NDNF: variants seen among roughly 807,000 people sequenced by gnomAD.
The protein encoded by NDNF is neuron derived neurotrophic factor, also known as protein NDNF.
NDNF carries 16 observed loss-of-function variants against 42.0 expected under a neutral mutation model. The observed-to-expected ratio is 0.38, with a 90% CI of 0.26 to 0.58. The LOEUF (loss-of-function observed/expected upper bound fraction) is 0.58, where lower values mean the gene tolerates loss of function less well. Ranked by LOEUF, NDNF falls within the 20% of genes least tolerant of loss-of-function variation. The pLI is 0.67. For synonymous variants in NDNF, 248 were observed against 251.7 expected, an observed-to-expected ratio of 0.99 and a Z score of 0.14; for missense variants, 616 against 666.2, an observed-to-expected ratio of 0.92 and a Z score of 0.83.
chr4:121,038,268 C>CTTAA (rs1281381095), intron 3 of NDNF: 2 of 152,038 alleles, frequency 1.3e-5, no homozygotes, highest in Non-Finnish European at 2.9e-5. Context: ...GGCAGGATTG[C>CTTAA]TTAAGCCCTG....
At chr4:121,039,472 C>A (rs968219262) in intron 3 of NDNF, among the ~76,000 whole-genome samples, 5 of 151,854 alleles carry the variant, frequency 3.3e-5, no homozygotes, top group African/African-American at 1.2e-4. Flanking sequence ...TTCTCTGTTT[C>A]CATCTGTTAT....
At chr4:121,049,596 C>A (rs1030603955) in intron 1 of NDNF, among the ~76,000 whole-genome samples, 1 of 152,154 alleles carries the variant, frequency 6.6e-6, no homozygotes, top group Non-Finnish European at 1.5e-5. Flanking sequence ...AATTTATTAG[C>A]TTGCAAGTGG....
At chr4:121,040,077 A>G (rs750071361) in intron 2 of NDNF, 23 bp from the exon 3 acceptor site, 9 of 1,605,868 alleles carry the variant, frequency 5.6e-6, no homozygotes, top group Admixed American at 1.7e-5. Flanking sequence ...GGACCACTTT[A>G]GACCGTGGTA....
At chr4:121,039,180 GTGTGTGTGTGTGTATATATATATATA>G (rs1726942180) in intron 3 of NDNF, among the ~76,000 whole-genome samples, 2 of 7,768 alleles carry the variant, frequency 2.6e-4, no homozygotes, top group African/African-American at 4.7e-4. Context: ...TAAAGACTAT[GTGTGTGTGTGTGTATATATATATATA>G]TATATATATA....
chr4:121,072,364 GC>G lies in NDNF; in HGVS notation c.-374del. Reference sequence around the variant, plus strand: ...GGGGGCTGGGCGGCGGGAGGATGCCGCAGCGACCCGCGGGGCTGGCGCGGGC... The same window carrying G: ...GGGGGCTGGGCGGCGGGAGGATGCCGAGCGACCCGCGGGGCTGGCGCGGGC... On this transcript the variant is annotated 5_prime_UTR_variant, in exon 1 of 4. Coordinates refer to ENST00000379692, the MANE Select transcript of NDNF (RefSeq NM_024574.4). 6.6e-6 allele frequency: 1 copy of G among 151,580 alleles called. No homozygotes were observed. Among genetic ancestry groups the G allele is most frequent in the South Asian group, 2.1e-4 (1 of 4,802 alleles). The allele number at this position is 151,580 out of a possible 1,614,324, so 9.4% of individuals were successfully genotyped here. A position where few individuals can be genotyped will look rare whatever the true frequency, so the allele number is the denominator to read the frequency against.
chr4:121,057,116 A>G (rs1727310087), intron 1 of NDNF, among the ~76,000 whole-genome samples: 1 of 152,220 alleles, frequency 6.6e-6, no homozygotes, highest in South Asian at 2.1e-4. Context: ...AGTAAAGAAC[A>G]AAGTATAATT....
In NDNF at chr4:121,040,003, C is replaced by T. The variant is rs777074542; in HGVS notation, c.240G>A (p.Thr80=). ...EDNTPLSVTV[T]PCDAPLEWKL... ...TCCACTCCAAAGGCGCATCACAGGG[C>T]GTCACTGTGACTGATAATGGAGTAT... The change falls in exon 3 of 4, where the codon ACG becomes ACA. Residue 80 remains threonine, a synonymous_variant. Coordinates refer to ENST00000379692, the MANE Select transcript of NDNF (RefSeq NM_024574.4). 1.1e-5 allele frequency: 17 copies of T among 1,613,600 alleles called. No individual in the cohort carries two copies. The South Asian group carries it at 1.6e-4, about 16-fold the overall frequency.
chr4:121,039,926 T>C lies in NDNF; in HGVS notation c.313+4A>G. 6.2e-7 allele frequency: 1 copy of C among 1,612,350 alleles called. No individual in the cohort carries two copies. On this transcript the variant is annotated splice_donor_region_variant and intron_variant, in intron 3 of 3. Coordinates refer to ENST00000379692, the MANE Select transcript of NDNF (RefSeq NM_024574.4). ...TCCAGGGGCAGATCTATCCTGCTGC[T>C]TACCTGAGCCTTCCCCGCTCCTGTC...
intron 1 of NDNF, among the ~76,000 whole-genome samples, chr4:121,050,282 G>A (rs565855686): frequency 1.3e-5 from 2 of 152,240 alleles, no homozygotes; most frequent in Admixed American, 6.5e-5. Context: ...TTAAGCATAA[G>A]CCTTAAATTG....
At chr4:121,067,412 T>G (rs1436845192) in intron 1 of NDNF, among the ~76,000 whole-genome samples, 3 of 152,118 alleles carry the variant, frequency 2.0e-5, no homozygotes, top group Non-Finnish European at 4.4e-5. Context: ...CAGAAAAAAT[T>G]AACAAGCGAA....
At position 121,037,400 on chromosome 4, in the gene NDNF, T is replaced by C. The variant is rs757434459; in HGVS notation, c.571A>G (p.Thr191Ala). Residue 191 changes from threonine (T) to alanine (A), a missense_variant, in exon 4 of 4, where the codon ACG becomes GCG. Transcript: ENST00000379692. Reference sequence around the variant, plus strand: ...CTTGGTTTCCAGGCCAAAGTGACCGTGGTGCGCCCCAGTGAGGTCACATCT... The same window carrying C: ...CTTGGTTTCCAGGCCAAAGTGACCGCGGTGCGCCCCAGTGAGGTCACATCT... ...RVDVTSLGRT[T>A]VTLAWKPSPT... The C allele has an allele frequency of 5.6e-6, 9 of 1,614,030 alleles. No individual in the cohort carries two copies.
Position 121,072,458 on chromosome 4 carries a change from G to A in NDNF, c.-467C>T, listed in dbSNP as rs1164003921. 6.6e-6 allele frequency: 1 copy of A among 151,856 alleles called. No homozygotes were observed. 9.4% of individuals were successfully genotyped at this position (151,856 alleles called of 1,614,324 possible). ...CCGCGCGGGGTGCTGGGAGAGCCGGGCGCACGGGGCGGCAGCGGCCGTGGC... is the reference window on the plus strand; with the variant it reads ...CCGCGCGGGGTGCTGGGAGAGCCGGACGCACGGGGCGGCAGCGGCCGTGGC... On this transcript the variant is annotated 5_prime_UTR_variant, in exon 1 of 4. Coordinates refer to ENST00000379692, the MANE Select transcript of NDNF (RefSeq NM_024574.4).
intron 2 of NDNF, 95 bp from the exon 3 acceptor site, chr4:121,040,149 TC>T: frequency 1.6e-6 from 2 of 1,263,000 alleles, no homozygotes; most frequent in South Asian, 1.5e-5. Flanking sequence ...AATTTTTTTT[TC>T]ATTTTATAAA....
chr4:121,045,224 C>T (rs1374365750), intron 2 of NDNF, among the ~76,000 whole-genome samples: 2 of 151,926 alleles, frequency 1.3e-5, no homozygotes, highest in Non-Finnish European at 2.9e-5. Flanking sequence ...TGGTGGAGGA[C>T]GCCTGTAGTC....
At chr4:121,038,519 C>G (rs576458918) in intron 3 of NDNF, among the ~76,000 whole-genome samples, 33 of 152,202 alleles carry the variant, frequency 2.2e-4, no homozygotes, top group Non-Finnish European at 3.7e-4. Flanking sequence ...CCGTAAGTAT[C>G]AGATATCACA....
chr4:121,053,810 T>C (rs1727240674), intron 1 of NDNF, among the ~76,000 whole-genome samples: 2 of 152,248 alleles, frequency 1.3e-5, no homozygotes, highest in Non-Finnish European at 1.5e-5. Context: ...GTTGCTTTTC[T>C]TGCTTTTGTT....
chr4:121,065,157 G>A (rs1036239082), intron 1 of NDNF, among the ~76,000 whole-genome samples: 14 of 152,046 alleles, frequency 9.2e-5, no homozygotes, highest in East Asian at 1.9e-4. Flanking sequence ...CACCTCTGCC[G>A]TTCTTTGTTG....
chr4:121,039,970 G>T lies in NDNF; in HGVS notation c.273C>A (p.Ser91Arg). The T allele has an allele frequency of 6.2e-7, 1 of 1,614,042 alleles. No homozygotes were observed. Among genetic ancestry groups the T allele is most frequent in the Non-Finnish European group, 8.5e-7 (1 of 1,179,974 alleles). The change falls in exon 3 of 4, where the codon AGC becomes AGA. Residue 91 changes from serine to arginine, a missense_variant. Coordinates refer to ENST00000379692, the MANE Select transcript of NDNF (RefSeq NM_024574.4). Reference sequence around the variant, plus strand: ...TCCTGTCCTCTGGCAGCTCCTGGAGGCTCAGCTTCCACTCCAAAGGCGCAT... The same window carrying T: ...TCCTGTCCTCTGGCAGCTCCTGGAGTCTCAGCTTCCACTCCAAAGGCGCAT... ...PCDAPLEWKL[S>R]LQELPEDRSG...
At chr4:121,063,185 T>G (rs139008808) in intron 1 of NDNF, among the ~76,000 whole-genome samples, 82 of 152,328 alleles carry the variant, frequency 5.4e-4, no homozygotes, top group African/African-American at 1.9e-3. Context: ...AACAACTTGA[T>G]AGGTAAATTA....
Sources: gnomAD v4.1 joint callset for allele counts (sites outside exome capture counted in the v4.1 genomes callset) on GRCh38, gnomAD v4.1.1 for gene constraint, MANE v1.5 for transcripts, NCBI Gene and HGNC (gene_info 2026-07-23, HGNC 2026-07-21) for gene names.